FUT8: variants seen among roughly 807,000 people sequenced by gnomAD.
FUT8 encodes the protein alpha-(1,6)-fucosyltransferase.
In FUT8, 29 loss-of-function variants were observed where a neutral mutation model predicts 71.3. That is an observed-to-expected ratio of 0.41 (90% CI 0.30 to 0.55). FUT8 has a LOEUF of 0.55. FUT8 is among the 20% of genes least tolerant of loss of function. The probability of loss-of-function intolerance (pLI) is 0.34; values close to 1 mark genes in which losing one functional copy is unlikely to be tolerated. For missense variants in FUT8, 544 were observed against 702.1 expected (o/e 0.77, Z 2.55); for synonymous variants, 254 against 239.3 (o/e 1.06, Z -0.57).
chr14:65,503,006 C>T (rs1464761573), intron 2 of FUT8, among the ~76,000 whole-genome samples: 5 of 152,224 alleles, frequency 3.3e-5, no homozygotes, highest in Non-Finnish European at 5.9e-5. Flanking sequence ...CAGTGTTGGA[C>T]TTGGATGGTT....
chr14:65,505,779 TAGA>T (rs916967914), intron 2 of FUT8, among the ~76,000 whole-genome samples: 35 of 152,174 alleles, frequency 2.3e-4, no homozygotes, highest in Non-Finnish European at 5.9e-5. Flanking sequence ...ATTTTTTTTC[TAGA>T]AGATTTTATA....
At chr14:65,516,718 T>A (rs1566796352) in intron 2 of FUT8, among the ~76,000 whole-genome samples, 1 of 151,908 alleles carries the variant, frequency 6.6e-6, no homozygotes. Flanking sequence ...GTAATATACA[T>A]CCCCCCTTTT....
the FUT8 span, among the ~76,000 whole-genome samples, chr14:65,363,098 T>C: frequency 2.0e-5 from 3 of 151,720 alleles, no homozygotes; most frequent in Non-Finnish European, 4.4e-5. Flanking sequence ...ACTGAAGGAA[T>C]TTGAGACATG....
intron 2 of FUT8, among the ~76,000 whole-genome samples, chr14:65,518,341 T>A (rs1249554587): frequency 5.3e-5 from 8 of 152,148 alleles, no homozygotes; most frequent in Non-Finnish European, 1.0e-4. Flanking sequence ...TCCTCCATGT[T>A]AATCTACTTG....
chr14:65,510,164 G>GT (rs1418287038), intron 2 of FUT8, among the ~76,000 whole-genome samples: 1 of 151,982 alleles, frequency 6.6e-6, no homozygotes, highest in Non-Finnish European at 1.5e-5. Flanking sequence ...TTTTATCAGT[G>GT]TTTTTTCAGC....
At chr14:65,719,850 G>C (rs1895322155) in intron 7 of FUT8, among the ~76,000 whole-genome samples, 2 of 152,206 alleles carry the variant, frequency 1.3e-5, no homozygotes, top group African/African-American at 4.8e-5. Flanking sequence ...GTAGTTGGGG[G>C]AGTGGTGACA....
rs755601066 is a variant in FUT8 at position 65,669,601 on chromosome 14, A to G, written c.835+121A>G. The G allele has an allele frequency of 3.2e-5, 21 of 650,768 alleles. No individual in the cohort carries two copies. Among genetic ancestry groups the G allele is most frequent in the Admixed American group, 5.3e-5 (2 of 37,620 alleles). The allele number at this position is 650,768 out of a possible 1,614,324, so 40.3% of individuals were successfully genotyped here. On this transcript the variant is annotated intron_variant, in intron 7 of 10. Transcript: ENST00000673929. This position sits in a 1 kb window ranked among gnomAD's most constrained non-coding sequence, Gnocchi z 4.5. ...CTTTTCCTCTGGATCCATGAATACTATACATTATCCAGATAAAATCTAGAA... is the reference window on the plus strand; with the variant it reads ...CTTTTCCTCTGGATCCATGAATACTGTACATTATCCAGATAAAATCTAGAA...
At chr14:65,421,901 A>G (rs763201399) in intron 1 of FUT8, among the ~76,000 whole-genome samples, 41 of 152,094 alleles carry the variant, frequency 2.7e-4, no homozygotes, top group Non-Finnish European at 5.3e-4. Context: ...CTTTTTCCAT[A>G]ACAACGACGG....
intron 5 of FUT8, among the ~76,000 whole-genome samples, chr14:65,623,561 CA>C (rs1290051162): frequency 6.6e-6 from 1 of 151,766 alleles, no homozygotes; most frequent in Admixed American, 6.6e-5. Context: ...TCTACAAATA[CA>C]AAAAAAGCTC....
intron 7 of FUT8, among the ~76,000 whole-genome samples, chr14:65,693,307 C>T (rs1347876552): frequency 6.6e-6 from 1 of 152,258 alleles, no homozygotes; most frequent in Non-Finnish European, 1.5e-5. Flanking sequence ...GAGCTGGAGA[C>T]CAGCCCAGCC....
At chr14:65,412,591 C>T, upstream of FUT8, 2 of 325,378 alleles carry the variant, frequency 6.1e-6, no homozygotes, top group South Asian at 2.3e-5. Context: ...GTGGATGCTG[C>T]TGCTACGCTC....
chr14:65,646,887 T>C (rs940976001), intron 6 of FUT8, among the ~76,000 whole-genome samples: 3 of 152,242 alleles, frequency 2.0e-5, no homozygotes, highest in African/African-American at 7.2e-5. Context: ...ATGAACATGA[T>C]AATTCTCACA....
chr14:65,432,088 T>C (rs998545468), intron 1 of FUT8, among the ~76,000 whole-genome samples: 2 of 152,216 alleles, frequency 1.3e-5, no homozygotes, highest in Non-Finnish European at 2.9e-5. Flanking sequence ...GCTTCAGATT[T>C]AACACTGTGA....
intron 2 of FUT8, among the ~76,000 whole-genome samples, chr14:65,522,355 T>C (rs1883138671): frequency 6.6e-6 from 1 of 152,198 alleles, no homozygotes; most frequent in Non-Finnish European, 1.5e-5. Context: ...GAGTGTTATT[T>C]CCTTTTTTTT....
At chr14:65,360,062 A>G in the FUT8 span, among the ~76,000 whole-genome samples, 1 of 151,896 alleles carries the variant, frequency 6.6e-6, no homozygotes, top group Non-Finnish European at 1.5e-5. Flanking sequence ...TGATCTCCTG[A>G]CCTCATGATC....
At chr14:65,719,358 G>T (rs1473887314) in intron 7 of FUT8, among the ~76,000 whole-genome samples, 1 of 151,914 alleles carries the variant, frequency 6.6e-6, no homozygotes, top group Non-Finnish European at 1.5e-5. Flanking sequence ...TTCCTTCTTT[G>T]TGTTATCTTG....
chr14:65,416,196 AAG>A (rs2065216764), intron 1 of FUT8, among the ~76,000 whole-genome samples: 1 of 152,228 alleles, frequency 6.6e-6, no homozygotes, highest in African/African-American at 2.4e-5. Context: ...ATAAATATAA[AAG>A]AAAGTTTTAC....
intron 1 of FUT8, among the ~76,000 whole-genome samples, chr14:65,448,304 A>G (rs1404328973): frequency 6.6e-6 from 1 of 152,170 alleles, no homozygotes; most frequent in African/African-American, 2.4e-5. Flanking sequence ...TCTAGAACCT[A>G]TAGAATGGGG....
chr14:65,618,903 C>T (rs1251461531), intron 5 of FUT8, among the ~76,000 whole-genome samples: 1 of 152,028 alleles, frequency 6.6e-6, no homozygotes, highest in Non-Finnish European at 1.5e-5. Flanking sequence ...AGCCTTCTAC[C>T]TGGGTTAGAA....
Sources: allele counts gnomAD v4.1 joint callset (sites outside exome capture counted in the v4.1 genomes callset), GRCh38; gene constraint gnomAD v4.1.1; non-coding constraint Gnocchi (gnomAD v3.1); transcripts MANE v1.5; gene names NCBI Gene and HGNC (gene_info 2026-07-23, HGNC 2026-07-21).